Variants in DGKI observed in about 807,000 individuals in gnomAD.
The protein encoded by DGKI is diacylglycerol kinase iota, also known as DAG kinase iota.
DGKI carries 55 observed loss-of-function variants against 147.5 expected under a neutral mutation model. The ratio of observed to expected loss-of-function variants is 0.37; its 90% CI spans 0.30 to 0.47. DGKI has a LOEUF of 0.47. DGKI is among the 20% of genes least tolerant of loss of function. The pLI, the probability that DGKI is intolerant of heterozygous loss-of-function variation, is 1.00. For synonymous variants in DGKI, 469 were observed against 477.1 expected, an observed-to-expected ratio of 0.98 and a Z score of 0.22; for missense variants, 1,007 against 1,323.8, an observed-to-expected ratio of 0.76 and a Z score of 3.71.
At chr7:137,568,563 C>A (rs745804015) in intron 19 of DGKI, among the ~76,000 whole-genome samples, 21 of 152,170 alleles carry the variant, frequency 1.4e-4, no homozygotes, top group Non-Finnish European at 4.4e-5. Context: ...AGCAGAAGAT[C>A]TAGAGGTCAA....
intron 6 of DGKI, among the ~76,000 whole-genome samples, chr7:137,625,791 C>T (rs920778273): frequency 2.0e-5 from 3 of 150,494 alleles, no homozygotes; most frequent in South Asian, 2.1e-4. Flanking sequence ...CACCAATGTA[C>T]ATTTTGTCCT....
chr7:137,412,105 T>G (rs1812184326), intron 29 of DGKI, 65 bp downstream of exon 29: 1 of 1,425,378 alleles, frequency 7.0e-7, no homozygotes, highest in Admixed American at 1.7e-5. Context: ...AGAGTTTTGA[T>G]GAGGAATGAT....
intron 1 of DGKI, among the ~76,000 whole-genome samples, chr7:137,815,733 A>G (rs1017095207): frequency 2.6e-5 from 4 of 152,202 alleles, no homozygotes; most frequent in African/African-American, 9.7e-5. Context: ...CACTTAATAC[A>G]TTGAAAATAT....
intron 1 of DGKI, among the ~76,000 whole-genome samples, chr7:137,811,355 C>CTT (rs200819684): frequency 0.014 from 1,700 of 120,478 alleles, 44 homozygotes; most frequent in African/African-American, 0.047. Flanking sequence ...TTCTCTCTCT[C>CTT]TCTCTCTCCC....
At chr7:137,766,318 C>T (rs934135147) in intron 1 of DGKI, among the ~76,000 whole-genome samples, 2 of 152,124 alleles carry the variant, frequency 1.3e-5, no homozygotes, top group African/African-American at 4.8e-5. Flanking sequence ...GTTGTGTCAA[C>T]GTGATGTTCA....
intron 1 of DGKI, among the ~76,000 whole-genome samples, chr7:137,715,791 G>C (rs1794358288): frequency 6.6e-6 from 1 of 152,194 alleles, no homozygotes. Context: ...TATTATATTA[G>C]TGGTATTGTC....
intron 1 of DGKI, among the ~76,000 whole-genome samples, chr7:137,767,573 GGAGAAGGAGAA>G (rs1298311224): frequency 6.7e-6 from 1 of 149,340 alleles, no homozygotes; most frequent in Non-Finnish European, 1.5e-5. Flanking sequence ...GAGAAGAGAA[GGAGAAGGAGAA>G]GAGAAGAGAA....
At chr7:137,664,546 T>C (rs1822568598) in intron 3 of DGKI, among the ~76,000 whole-genome samples, 1 of 152,186 alleles carries the variant, frequency 6.6e-6, no homozygotes, top group Admixed American at 6.5e-5. Flanking sequence ...AGAAGGGCTA[T>C]TTTGCAGAAG....
At chr7:137,622,597 A>G (rs1241975328) in intron 7 of DGKI, among the ~76,000 whole-genome samples, 1 of 152,214 alleles carries the variant, frequency 6.6e-6, no homozygotes, top group East Asian at 1.9e-4. Flanking sequence ...TAGACAATAC[A>G]TAAATGAAAA....
At position 137,480,741 on chromosome 7, in the gene DGKI, C is replaced by T. The variant is rs144794563; in HGVS notation, c.2373+4633G>A. 6.1e-3 allele frequency among the ~76,000 whole-genome samples: 923 copies of T among 152,238 alleles called. 7 individuals carry two copies. The highest frequency in any genetic ancestry group is 0.027 in the Middle Eastern group (8 of 294). ...AGTTAATTCTTAGAGAAAGTAATCACCTGGTTGAATCTATTTTTGCAACTA... is the reference window on the plus strand; with the variant it reads ...AGTTAATTCTTAGAGAAAGTAATCATCTGGTTGAATCTATTTTTGCAACTA... On this transcript the variant is annotated intron_variant, in intron 23 of 32. Transcript: ENST00000614521.
chr7:137,805,203 C>G (rs1214232400), intron 1 of DGKI, among the ~76,000 whole-genome samples: 1 of 152,206 alleles, frequency 6.6e-6, no homozygotes, highest in East Asian at 1.9e-4. Context: ...AGTTTGTGCA[C>G]ATCTCCAGTA....
chr7:137,778,735 T>A (rs916861190), intron 1 of DGKI, among the ~76,000 whole-genome samples: 1 of 152,134 alleles, frequency 6.6e-6, no homozygotes, highest in South Asian at 2.1e-4. Flanking sequence ...GCACTCCCAA[T>A]TTGCACATAG....
chr7:137,644,811 T>C (rs1335950351), intron 6 of DGKI, among the ~76,000 whole-genome samples: 1 of 152,188 alleles, frequency 6.6e-6, no homozygotes, highest in Non-Finnish European at 1.5e-5. Context: ...AGTAGATCTT[T>C]GTACATTGGA....
intron 1 of DGKI, among the ~76,000 whole-genome samples, chr7:137,809,448 G>T (rs757705261): frequency 2.0e-5 from 3 of 152,162 alleles, no homozygotes; most frequent in Non-Finnish European, 4.4e-5. Context: ...GTGTTTAAGA[G>T]ACTAGTATTT....
At chr7:137,545,858 G>A (rs930170416) in intron 20 of DGKI, 6 of 695,382 alleles carry the variant, frequency 8.6e-6, no homozygotes, top group East Asian at 2.7e-5. Flanking sequence ...GAGGAGACGA[G>A]GCTGGGGAGA....
At chr7:137,523,772 T>C (rs1195093735) in intron 20 of DGKI, among the ~76,000 whole-genome samples, 1 of 152,156 alleles carries the variant, frequency 6.6e-6, no homozygotes, top group African/African-American at 2.4e-5. Context: ...CTTGACAGTA[T>C]ATTTATAGAT....
At chr7:137,703,734 C>T (rs1793901390) in intron 1 of DGKI, among the ~76,000 whole-genome samples, 1 of 152,140 alleles carries the variant, frequency 6.6e-6, no homozygotes. Context: ...CAATCAGCAA[C>T]ATAAACAAAC....
At chr7:137,616,489 G>GAT (rs1820536027) in intron 8 of DGKI, among the ~76,000 whole-genome samples, 1 of 152,026 alleles carries the variant, frequency 6.6e-6, no homozygotes, top group Non-Finnish European at 1.5e-5. Context: ...AGACTCTAGA[G>GAT]AAAGAACCAA....
intron 1 of DGKI, among the ~76,000 whole-genome samples, chr7:137,721,566 C>G (rs960613772): frequency 6.6e-6 from 1 of 152,174 alleles, no homozygotes; most frequent in Admixed American, 6.5e-5. Flanking sequence ...CTAACGGTCT[C>G]CCTGCCCTCC....
Sources: allele counts gnomAD v4.1 joint callset (sites outside exome capture counted in the v4.1 genomes callset), GRCh38; gene constraint gnomAD v4.1.1; transcripts MANE v1.5; gene names NCBI Gene and HGNC (gene_info 2026-07-23, HGNC 2026-07-21).